SPIN1: variants seen among roughly 807,000 people sequenced by gnomAD.
The protein encoded by SPIN1 is spindlin-1.
A neutral mutation model predicts 26.0 loss-of-function variants in SPIN1; 3 were observed. The observed-to-expected ratio is 0.12, with a 90% CI of 0.05 to 0.30. The LOEUF (loss-of-function observed/expected upper bound fraction) is 0.30. Among genes scored for constraint, SPIN1 ranks in the 10% least tolerant of loss-of-function variants. The pLI, the probability that SPIN1 is intolerant of heterozygous loss-of-function variation, is 1.00. For synonymous variants in SPIN1, 101 were observed against 116.5 expected (o/e 0.87, Z 0.86); for missense variants, 126 against 333.4 (o/e 0.38, Z 4.84).
chr9:88,435,695 T>A (rs1827985978), intron 2 of SPIN1, among the ~76,000 whole-genome samples: 2 of 152,206 alleles, frequency 1.3e-5, no homozygotes, highest in Admixed American at 6.5e-5. Flanking sequence ...ACATCAGAGT[T>A]ATTAACCTTT....
intron 5 of SPIN1, among the ~76,000 whole-genome samples, chr9:88,470,964 ATCTG>A (rs1283616747): frequency 6.6e-6 from 1 of 152,168 alleles, no homozygotes; most frequent in African/African-American, 2.4e-5. Context: ...AAATTGAATT[ATCTG>A]TCTTTCATTA....
At chr9:88,391,580 T>C (rs1826920713) in intron 1 of SPIN1, 1 of 152,226 alleles carries the variant, frequency 6.6e-6, no homozygotes, top group African/African-American at 2.4e-5. Context: ...GTAGCAGCGT[T>C]CTTACTTCTA....
chr9:88,445,758 T>A (rs1217315470), intron 2 of SPIN1, among the ~76,000 whole-genome samples: 2 of 151,658 alleles, frequency 1.3e-5, no homozygotes, highest in African/African-American at 4.8e-5. Flanking sequence ...AGGCTGGTCT[T>A]AAAATCCTGA....
chr9:88,411,432 C>A, intron 1 of SPIN1: 1 of 1,562,352 alleles, frequency 6.4e-7, no homozygotes, highest in South Asian at 1.1e-5. Flanking sequence ...CTCAGCTGTT[C>A]GGGCTCTTTA....
At chr9:88,394,275 C>T (rs996515806) in intron 1 of SPIN1, among the ~76,000 whole-genome samples, 1 of 152,196 alleles carries the variant, frequency 6.6e-6, no homozygotes, top group South Asian at 2.1e-4. Context: ...GCTTTTCTTG[C>T]TTTCTGACAC....
In SPIN1 at chr9:88,410,895, A is replaced by T. The variant is rs1827428922; in HGVS notation, c.-158-15487A>T. On this transcript the variant is annotated intron_variant, in intron 1 of 5. Coordinates refer to ENST00000375859, the MANE Select transcript of SPIN1 (RefSeq NM_006717.3). ...ATCACTTAGCTTCTTTGGCTGGATG[A>T]AGCACTAGCCATCTCTTGCTTTGAC... The T allele has an allele frequency of 3.1e-6, 3 of 980,010 alleles. No homozygotes were observed. The East Asian group carries it at 7.1e-5, about 23-fold the overall frequency. The allele number at this position is 980,010 out of a possible 1,614,324, so 60.7% of individuals were successfully genotyped here.
At chr9:88,414,986 C>T (rs1425417735) in intron 1 of SPIN1, among the ~76,000 whole-genome samples, 1 of 152,108 alleles carries the variant, frequency 6.6e-6, no homozygotes, top group Non-Finnish European at 1.5e-5. Context: ...TCACTGCAAC[C>T]TCCACCTCCT....
chr9:88,455,774 T>TTGAGACCAGGCTGGCTCC (rs1305589900), intron 3 of SPIN1, among the ~76,000 whole-genome samples: 1 of 152,122 alleles, frequency 6.6e-6, no homozygotes, highest in African/African-American at 2.4e-5. Context: ...GCCCAGGAGT[T>TTGAGACCAGGCTGGCTCC]TGAGACCAGG....
intron 2 of SPIN1, among the ~76,000 whole-genome samples, chr9:88,439,911 G>A (rs549970112): frequency 6.6e-6 from 1 of 152,214 alleles, no homozygotes; most frequent in South Asian, 2.1e-4. Context: ...GAAGTTGCAT[G>A]TTGTTTTTGA....
At chr9:88,427,175 G>A (rs1272746446) in intron 2 of SPIN1, among the ~76,000 whole-genome samples, 2 of 152,050 alleles carry the variant, frequency 1.3e-5, no homozygotes, top group African/African-American at 4.8e-5. Flanking sequence ...GACTTGAAAA[G>A]CATTCTTCTC....
At chr9:88,446,687 C>T (rs1467524876) in intron 2 of SPIN1, among the ~76,000 whole-genome samples, 40 of 152,116 alleles carry the variant, frequency 2.6e-4, no homozygotes, top group Non-Finnish European at 5.9e-5. Context: ...GGATTACAGG[C>T]GTGAGCCACT....
chr9:88,432,547 C>T (rs569941608), intron 2 of SPIN1, among the ~76,000 whole-genome samples: 103 of 151,428 alleles, frequency 6.8e-4, no homozygotes, highest in Middle Eastern at 3.4e-3. Context: ...TGCAGTGGCG[C>T]GATCTCGGCT....
rs1342050713 is a variant in SPIN1 at position 88,411,130 on chromosome 9, G to A, written c.-158-15252G>A. 3 of 1,505,482 alleles carry A rather than the reference G, an allele frequency of 2.0e-6. No homozygotes were observed. In the Admixed American group the frequency reaches 5.0e-5, roughly 25 times the overall value. 93.3% of individuals were successfully genotyped at this position (1,505,482 alleles called of 1,614,324 possible). A position where few individuals can be genotyped will look rare whatever the true frequency, so the allele number is the denominator to read the frequency against. On this transcript the variant is annotated intron_variant, in intron 1 of 5. Coordinates refer to ENST00000375859, the MANE Select transcript of SPIN1 (RefSeq NM_006717.3). ...GATGTTCTTTAGTGTCTTCTTTAAT[G>A]CCACCAACAAATATCTTTTTCACAG...
chr9:88,423,539 A>G (rs1827710892), intron 1 of SPIN1, among the ~76,000 whole-genome samples: 1 of 151,734 alleles, frequency 6.6e-6, no homozygotes, highest in Non-Finnish European at 1.5e-5. Context: ...CCCGAGTTCA[A>G]GCAGTTCTCC....
At chr9:88,463,136 G>T (rs1828602878) in intron 4 of SPIN1, among the ~76,000 whole-genome samples, 1 of 152,174 alleles carries the variant, frequency 6.6e-6, no homozygotes, top group Non-Finnish European at 1.5e-5. Flanking sequence ...TTCTGTGAAA[G>T]TGTATCTTTG....
At chr9:88,393,544 T>G (rs1052184297) in intron 1 of SPIN1, among the ~76,000 whole-genome samples, 2 of 125,178 alleles carry the variant, frequency 1.6e-5, no homozygotes, top group Non-Finnish European at 3.2e-5. Context: ...ACCCTCCACC[T>G]CCCGGGAGTC....
chr9:88,468,258 A>C (rs145680620), intron 4 of SPIN1, 114 bp from the exon 5 acceptor site: 4 of 675,778 alleles, frequency 5.9e-6, no homozygotes, highest in South Asian at 2.6e-5. Context: ...GATGCTTGCT[A>C]ATACGTTGCA....
chr9:88,451,985 A>G (rs1828362719), intron 3 of SPIN1, among the ~76,000 whole-genome samples: 1 of 152,210 alleles, frequency 6.6e-6, no homozygotes, highest in African/African-American at 2.4e-5. Flanking sequence ...TGAACAGGGA[A>G]TAGATTTCCA....
chr9:88,436,332 G>A (rs1827998051), intron 2 of SPIN1, among the ~76,000 whole-genome samples: 1 of 152,128 alleles, frequency 6.6e-6, no homozygotes, highest in Non-Finnish European at 1.5e-5. Flanking sequence ...GAGATAACGG[G>A]CTCTATTTTT....
Sources: allele counts gnomAD v4.1 joint callset (sites outside exome capture counted in the v4.1 genomes callset), GRCh38; gene constraint gnomAD v4.1.1; transcripts MANE v1.5; gene names NCBI Gene and HGNC (gene_info 2026-07-23, HGNC 2026-07-21).